OPRK1: variants seen among roughly 807,000 people sequenced by gnomAD.
The protein encoded by OPRK1 is opioid receptor kappa 1.
In OPRK1, 15 loss-of-function variants were observed where a neutral mutation model predicts 24.5. The observed-to-expected ratio is 0.61, with a 90% confidence interval of 0.41 to 0.94. The LOEUF is 0.94. Ranked by LOEUF, OPRK1 falls within the 40% of genes least tolerant of loss-of-function variation. The pLI, the probability that OPRK1 is intolerant of heterozygous loss-of-function variation, is 0.00. For synonymous variants in OPRK1, 205 were observed against 198.0 expected (o/e 1.04, Z -0.30); for missense variants, 479 against 507.3 (o/e 0.94, Z 0.54).
At chr8:53,236,839 A>G (rs1807007151) in intron 2 of OPRK1, among the ~76,000 whole-genome samples, 1 of 152,220 alleles carries the variant, frequency 6.6e-6, no homozygotes, top group Non-Finnish European at 1.5e-5. Context: ...CAAGGATTCC[A>G]GCAGGAATCT....
chr8:53,225,929 AAT>A lies in OPRK1; in HGVS notation c.*3366_*3367del, dbSNP rs1288030837. Reference sequence around the variant, plus strand: ...GGATGTGATTTTCGTATTTATACTGAATCATCCGAACAGCTCTTGGTTAGAAA... The same window carrying A: ...GGATGTGATTTTCGTATTTATACTGACATCCGAACAGCTCTTGGTTAGAAA... On this transcript the variant is annotated 3_prime_UTR_variant, in exon 4 of 4. Coordinates refer to ENST00000265572, the MANE Select transcript of OPRK1 (RefSeq NM_000912.5). 1.3e-5 allele frequency: 2 copies of A among 152,324 alleles called. No individual in the cohort carries two copies. The highest frequency in any genetic ancestry group is 2.9e-5 in the Non-Finnish European group (2 of 68,036). 9.4% of individuals were successfully genotyped at this position (152,324 alleles called of 1,614,324 possible). A position where few individuals can be genotyped will look rare whatever the true frequency, so the allele number is the denominator to read the frequency against.
At chr8:53,243,908 C>A (rs1453541949) in intron 2 of OPRK1, among the ~76,000 whole-genome samples, 2 of 151,790 alleles carry the variant, frequency 1.3e-5, no homozygotes, top group African/African-American at 4.8e-5. Context: ...CCATATTGTA[C>A]CTTTGCTTTT....
At chr8:53,249,971 T>C (rs1807330239) in intron 2 of OPRK1, among the ~76,000 whole-genome samples, 1 of 152,166 alleles carries the variant, frequency 6.6e-6, no homozygotes, top group Non-Finnish European at 1.5e-5. Context: ...CTTTTCTTGT[T>C]TTTCTTTCTT....
At position 53,250,773 on chromosome 8, in the gene OPRK1, G is replaced by C. The variant is rs763141650; in HGVS notation, c.257+8C>G. 4.4e-6 allele frequency: 7 copies of C among 1,599,568 alleles called. No individual in the cohort carries two copies. The highest frequency in any genetic ancestry group is 1.1e-5 in the South Asian group (1 of 89,566). Reference sequence around the variant, plus strand: ...CAGCCCCCAGCGCTGCGCTGTCCCCGCGCTCACCGGATGATCACGAACATG... The same window carrying C: ...CAGCCCCCAGCGCTGCGCTGTCCCCCCGCTCACCGGATGATCACGAACATG... On this transcript the variant is annotated splice_region_variant and intron_variant, in intron 2 of 3. Coordinates refer to ENST00000265572, the MANE Select transcript of OPRK1 (RefSeq NM_000912.5).
At chr8:53,245,497 T>C (rs1488924884) in intron 2 of OPRK1, among the ~76,000 whole-genome samples, 1 of 152,172 alleles carries the variant, frequency 6.6e-6, no homozygotes, top group Admixed American at 6.5e-5. Flanking sequence ...CGGTGCTTTG[T>C]TATGGCAGCC....
intron 2 of OPRK1, among the ~76,000 whole-genome samples, chr8:53,235,927 G>A (rs1418239405): frequency 6.6e-6 from 1 of 152,118 alleles, no homozygotes; most frequent in Non-Finnish European, 1.5e-5. Context: ...TTTCAACTAA[G>A]ACTGAGTTAA....
chr8:53,249,664 T>C (rs1055973391), intron 2 of OPRK1, among the ~76,000 whole-genome samples: 1 of 152,232 alleles, frequency 6.6e-6, no homozygotes, highest in African/African-American at 2.4e-5. Context: ...AGCAGTATTT[T>C]ATTATGATAA....
chr8:53,234,404 G>C (rs1465734588), intron 3 of OPRK1, among the ~76,000 whole-genome samples: 2 of 152,068 alleles, frequency 1.3e-5, no homozygotes, highest in Non-Finnish European at 2.9e-5. Flanking sequence ...CCTTGTTAAA[G>C]AGAAAAAAAG....
intron 3 of OPRK1, among the ~76,000 whole-genome samples, chr8:53,233,114 G>C (rs1001772831): frequency 1.6e-4 from 24 of 152,178 alleles, no homozygotes; most frequent in African/African-American, 5.8e-4. Context: ...CTATGGCTAT[G>C]CTAGAAATTC....
intron 1 of OPRK1, 109 bp downstream of exon 1, chr8:53,251,339 C>A: frequency 2.2e-6 from 1 of 458,382 alleles, no homozygotes; most frequent in Non-Finnish European, 3.8e-6. Context: ...AGGCACCGGC[C>A]CCTGGTGGAA....
chr8:53,251,185 G>T, intron 1 of OPRK1, 100 bp from the exon 2 acceptor site: 1 of 1,283,806 alleles, frequency 7.8e-7, no homozygotes, highest in East Asian at 3.0e-5. Flanking sequence ...TCCCACCCGG[G>T]CCGCAAGTCG....
At chr8:53,243,724 T>C (rs892551549) in intron 2 of OPRK1, among the ~76,000 whole-genome samples, 21 of 152,258 alleles carry the variant, frequency 1.4e-4, no homozygotes, top group Non-Finnish European at 2.5e-4. Context: ...AGATAGTCTC[T>C]TGAAAATAAT....
At chr8:53,232,340 TA>T (rs1194808445) in intron 3 of OPRK1, among the ~76,000 whole-genome samples, 1 of 152,182 alleles carries the variant, frequency 6.6e-6, no homozygotes, top group African/African-American at 2.4e-5. Flanking sequence ...AGAAGGTGAC[TA>T]CAGTTAACAA....
intron 2 of OPRK1, among the ~76,000 whole-genome samples, chr8:53,241,478 C>CAG (rs1449986687): frequency 3.4e-5 from 5 of 148,550 alleles, no homozygotes; most frequent in South Asian, 2.2e-4. Flanking sequence ...GCCTGGGCCA[C>CAG]AGAGAGAGAC....
At chr8:53,246,597 C>A (rs879326873) in intron 2 of OPRK1, among the ~76,000 whole-genome samples, 1 of 130,212 alleles carries the variant, frequency 7.7e-6, no homozygotes, top group Non-Finnish European at 1.6e-5. Flanking sequence ...GGTAAAGACC[C>A]CAGGAGCAAT....
intron 2 of OPRK1, among the ~76,000 whole-genome samples, chr8:53,241,057 G>A (rs1489689974): frequency 7.0e-6 from 1 of 142,536 alleles, no homozygotes; most frequent in African/African-American, 3.1e-5. Flanking sequence ...ATGTGTAAAT[G>A]CAGGCTCATC....
At chr8:53,245,396 G>T (rs1278819200) in intron 2 of OPRK1, among the ~76,000 whole-genome samples, 2 of 152,178 alleles carry the variant, frequency 1.3e-5, no homozygotes, top group African/African-American at 4.8e-5. Flanking sequence ...CGGGCCTCAG[G>T]GGAAGCCCTG....
At chr8:53,230,432 A>C (rs974510850) in intron 3 of OPRK1, among the ~76,000 whole-genome samples, 1 of 152,308 alleles carries the variant, frequency 6.6e-6, no homozygotes, top group Non-Finnish European at 1.5e-5. Context: ...GATTAAGGGC[A>C]TTACTGAAAC....
chr8:53,248,573 A>G (rs1328195152), intron 2 of OPRK1, among the ~76,000 whole-genome samples: 1 of 152,178 alleles, frequency 6.6e-6, no homozygotes, highest in Non-Finnish European at 1.5e-5. Context: ...CAGTCTCTTC[A>G]TTTCCTAAGA....
Sources: allele counts gnomAD v4.1 joint callset (sites outside exome capture counted in the v4.1 genomes callset), GRCh38; gene constraint gnomAD v4.1.1; transcripts MANE v1.5; gene names NCBI Gene and HGNC (gene_info 2026-07-23, HGNC 2026-07-21).